SUCLG2: variants seen among roughly 807,000 people sequenced by gnomAD.
SUCLG2 encodes the protein succinate-CoA ligase GDP-forming subunit beta.
In SUCLG2, 42 loss-of-function variants were observed where a neutral mutation model predicts 47.9. That is an observed-to-expected ratio of 0.88 (90% CI 0.69 to 1.14). SUCLG2 has a LOEUF of 1.14. Ranked by LOEUF, SUCLG2 falls within the 50% of genes most tolerant of loss-of-function variation. SUCLG2 has a pLI of 0.00. For missense variants in SUCLG2, 571 were observed against 525.9 expected, an observed-to-expected ratio of 1.09 and a Z score of -0.84; for synonymous variants, 195 against 197.3, an observed-to-expected ratio of 0.99 and a Z score of 0.10.
chr3:67,374,889 G>T lies in SUCLG2; in HGVS notation c.*855C>A. The T allele has an allele frequency of 1.0e-6, 1 of 985,178 alleles. No homozygotes were observed. Among genetic ancestry groups the T allele is most frequent in the Non-Finnish European group, 1.2e-6 (1 of 829,858 alleles). 61.0% of individuals were successfully genotyped at this position (985,178 alleles called of 1,614,324 possible). A position where few individuals can be genotyped will look rare whatever the true frequency, so the allele number is the denominator to read the frequency against. On this transcript the variant is annotated 3_prime_UTR_variant, in exon 11 of 11. Transcript: ENST00000307227. The stretch of plus-strand genomic sequence containing the variant: ...TTCTACCATAAACTGGTAGATTCTG[G>T]GAGGATGAGGAGTAAGAGAGAAACG...
chr3:67,494,137 C>A (rs1705271273), intron 9 of SUCLG2, among the ~76,000 whole-genome samples: 1 of 152,062 alleles, frequency 6.6e-6, no homozygotes, highest in South Asian at 2.1e-4. Flanking sequence ...TTTATGCATG[C>A]AAAACAAAAC....
chr3:67,633,314 A>G (rs1439460963), intron 1 of SUCLG2, among the ~76,000 whole-genome samples: 1 of 152,210 alleles, frequency 6.6e-6, no homozygotes, highest in Non-Finnish European at 1.5e-5. Flanking sequence ...AATATTTATT[A>G]TATCAATATT....
rs114827544 is a variant in SUCLG2 at position 67,651,695 on chromosome 3, T to C, written c.84+2808A>G. On this transcript the variant is annotated intron_variant, in intron 1 of 10. Coordinates refer to ENST00000307227, the MANE Select transcript of SUCLG2 (RefSeq NM_003848.4). ...TCATCTGTACCTAGTTAGCTGGGTT[T>C]GCATTCAGTTTATGAAAATTCATCA... 3.9e-3 allele frequency among the ~76,000 whole-genome samples: 600 copies of C among 152,360 alleles called. 7 individuals are homozygous for C. Among genetic ancestry groups the C allele is most frequent in the African/African-American group, 0.014 (572 of 41,586 alleles).
At chr3:67,467,382 T>C (rs1291311065) in intron 9 of SUCLG2, among the ~76,000 whole-genome samples, 1 of 152,248 alleles carries the variant, frequency 6.6e-6, no homozygotes, top group East Asian at 1.9e-4. Context: ...GCACACGTCA[T>C]ACCTGCTTAA....
At chr3:67,447,505 G>A (rs184641944) in intron 9 of SUCLG2, among the ~76,000 whole-genome samples, 1 of 152,230 alleles carries the variant, frequency 6.6e-6, no homozygotes, top group Admixed American at 6.5e-5. Flanking sequence ...GTACAGAAAT[G>A]GAAAAATGTG....
At chr3:67,556,462 T>C (rs1707164694) in intron 2 of SUCLG2, among the ~76,000 whole-genome samples, 1 of 152,230 alleles carries the variant, frequency 6.6e-6, no homozygotes, top group African/African-American at 2.4e-5. Flanking sequence ...GAGATGTCTA[T>C]ATTGTACTTG....
chr3:67,621,823 C>G (rs1700741567), intron 1 of SUCLG2, among the ~76,000 whole-genome samples: 1 of 152,156 alleles, frequency 6.6e-6, no homozygotes, highest in Non-Finnish European at 1.5e-5. Context: ...GAAATAAATT[C>G]CTTTTCTTTA....
chr3:67,491,368 T>TA (rs1575731812), intron 9 of SUCLG2, among the ~76,000 whole-genome samples: 2 of 146,022 alleles, frequency 1.4e-5, no homozygotes, highest in East Asian at 2.0e-4. Context: ...TTACTTTTTT[T>TA]TTTTTTTTTT....
At chr3:67,487,429 T>C (rs1705082311) in intron 9 of SUCLG2, among the ~76,000 whole-genome samples, 1 of 151,142 alleles carries the variant, frequency 6.6e-6, no homozygotes, top group Non-Finnish European at 1.5e-5. Context: ...AAGACAAGAG[T>C]CAAGATGTGG....
intron 9 of SUCLG2, among the ~76,000 whole-genome samples, chr3:67,402,151 T>C (rs1702698488): frequency 1.3e-5 from 2 of 152,194 alleles, no homozygotes; most frequent in South Asian, 4.1e-4. Context: ...CTCTTGAACA[T>C]TTCCTCATCT....
chr3:67,453,105 C>T (rs1422561665), intron 9 of SUCLG2, among the ~76,000 whole-genome samples: 1 of 152,102 alleles, frequency 6.6e-6, no homozygotes, highest in Non-Finnish European at 1.5e-5. Flanking sequence ...CTTTACCCTG[C>T]AGCTGATTAG....
intron 10 of SUCLG2, among the ~76,000 whole-genome samples, chr3:67,394,787 C>T (rs1432340360): frequency 2.0e-5 from 3 of 150,932 alleles, no homozygotes; most frequent in Non-Finnish European, 3.0e-5. Flanking sequence ...GTCGGGTTAC[C>T]CACAAAGGGA....
At chr3:67,420,734 C>A (rs554409032) in intron 9 of SUCLG2, among the ~76,000 whole-genome samples, 1 of 150,946 alleles carries the variant, frequency 6.6e-6, no homozygotes, top group East Asian at 2.0e-4. Context: ...AAGTAAAAAA[C>A]AAAGGAATAG....
At chr3:67,634,170 T>C (rs146541700) in intron 1 of SUCLG2, among the ~76,000 whole-genome samples, 28 of 152,312 alleles carry the variant, frequency 1.8e-4, no homozygotes, top group Admixed American at 4.6e-4. Context: ...AGCCAGTATA[T>C]TGCAGTGCTC....
intron 2 of SUCLG2, among the ~76,000 whole-genome samples, chr3:67,544,257 A>C (rs1233512879): frequency 6.6e-6 from 1 of 152,188 alleles, no homozygotes; most frequent in Non-Finnish European, 1.5e-5. Context: ...CGGAAGAACT[A>C]TTGATATGGT....
At chr3:67,523,055 C>T (rs560484084) in intron 4 of SUCLG2, among the ~76,000 whole-genome samples, 12 of 152,078 alleles carry the variant, frequency 7.9e-5, no homozygotes, top group African/African-American at 2.7e-4. Flanking sequence ...CCAAAGTGCT[C>T]GGATTACAAG....
At chr3:67,369,293 G>C (rs1300913378) in intron 10 of SUCLG2, among the ~76,000 whole-genome samples, 1 of 152,104 alleles carries the variant, frequency 6.6e-6, no homozygotes, top group Admixed American at 6.6e-5. Context: ...GGGATTATTT[G>C]TCTATTATGG....
chr3:67,572,769 C>T (rs996770526), intron 2 of SUCLG2, among the ~76,000 whole-genome samples: 1 of 151,936 alleles, frequency 6.6e-6, no homozygotes, highest in Admixed American at 6.6e-5. Flanking sequence ...GTAAGGAAGT[C>T]GCCTCTTACC....
At chr3:67,495,653 A>G (rs1257996290) in intron 9 of SUCLG2, 145 bp downstream of exon 9, 2 of 639,308 alleles carry the variant, frequency 3.1e-6, no homozygotes, top group East Asian at 4.9e-5. Context: ...CTCCGTCTCA[A>G]AAAAAAAAAA....
Sources: allele counts gnomAD v4.1 joint callset (sites outside exome capture counted in the v4.1 genomes callset), GRCh38; gene constraint gnomAD v4.1.1; transcripts MANE v1.5; gene names NCBI Gene and HGNC (gene_info 2026-07-23, HGNC 2026-07-21).